Variants in PLCB2 observed in about 807,000 individuals in gnomAD.
PLCB2 encodes the protein phospholipase C beta 2.
PLCB2 carries 115 observed loss-of-function variants against 141.7 expected under a neutral mutation model. The observed-to-expected ratio is 0.81, with a 90% CI of 0.70 to 0.95. The LOEUF (loss-of-function observed/expected upper bound fraction) is 0.95. Among genes scored for constraint, PLCB2 ranks in the 40% least tolerant of loss-of-function variants. PLCB2 has a pLI of 0.00. For missense variants in PLCB2, 1,403 were observed against 1,541.1 expected (o/e 0.91, Z 1.50); for synonymous variants, 603 against 595.6 (o/e 1.01, Z -0.18).
chr15:40,296,921 G>A lies in PLCB2; in HGVS notation c.1324-13C>T. 6.2e-7 allele frequency: 1 copy of A among 1,613,708 alleles called. No homozygotes were observed. Among genetic ancestry groups the A allele is most frequent in the Non-Finnish European group, 8.5e-7 (1 of 1,179,862 alleles). Reference sequence around the variant, plus strand: ...CACCTGGTTTTAGCTATGGAGTGGAGAGCAGGTCAGCACCATCTTCTCACC... The same window carrying A: ...CACCTGGTTTTAGCTATGGAGTGGAAAGCAGGTCAGCACCATCTTCTCACC... On this transcript the variant is annotated splice_polypyrimidine_tract_variant and intron_variant, in intron 13 of 31. Coordinates refer to ENST00000260402, the MANE Select transcript of PLCB2 (RefSeq NM_004573.3).
intron 19 of PLCB2, 77 bp from the exon 20 acceptor site, chr15:40,293,801 G>A: frequency 6.9e-7 from 1 of 1,457,196 alleles, no homozygotes; most frequent in South Asian, 1.2e-5. Context: ...GCCCCTGGCT[G>A]CCTAGAGCTG....
At chr15:40,304,194 GA>G in intron 1 of PLCB2, 116 bp from the exon 2 acceptor site, 1 of 686,154 alleles carries the variant, frequency 1.5e-6, no homozygotes. Flanking sequence ...CCAGAAATCT[GA>G]AGGCATTTCC....
In PLCB2 at chr15:40,294,257, G is replaced by C; in HGVS notation, c.2061+9C>G. Reference sequence around the variant, plus strand: ...GCCTCCCGGCCACTTGTGTGCCCCAGGGCCTTGCCGTAATGGAAAGGGTGG... The same window carrying C: ...GCCTCCCGGCCACTTGTGTGCCCCACGGCCTTGCCGTAATGGAAAGGGTGG... On this transcript the variant is annotated intron_variant, in intron 19 of 31. Transcript: ENST00000260402. The C allele has an allele frequency of 6.2e-7, 1 of 1,613,182 alleles. No homozygotes were observed. Among genetic ancestry groups the C allele is most frequent in the Non-Finnish European group, 8.5e-7 (1 of 1,179,890 alleles).
At chr15:40,303,528 C>T (rs1355905368) in intron 2 of PLCB2, among the ~76,000 whole-genome samples, 172 bp from the exon 3 acceptor site, 1 of 152,148 alleles carries the variant, frequency 6.6e-6, no homozygotes, top group Non-Finnish European at 1.5e-5. Context: ...ACTTCCCTTC[C>T]TATGGCCCAG....
chr15:40,299,326 G>A (rs2040396583), intron 7 of PLCB2, 98 bp from the exon 8 acceptor site: 6 of 765,716 alleles, frequency 7.8e-6, no homozygotes, highest in Admixed American at 2.1e-5. Flanking sequence ...TGGTCAGAAG[G>A]CGGGCTCAAG....
intron 1 of PLCB2, 109 bp downstream of exon 1, chr15:40,307,480 G>T: frequency 1.6e-6 from 1 of 611,906 alleles, no homozygotes; most frequent in South Asian, 2.5e-5. Context: ...CCACACAGGC[G>T]CCTGGATCCT....
At chr15:40,293,853 C>A (rs969557378) in intron 19 of PLCB2, 129 bp from the exon 20 acceptor site, 1 of 893,898 alleles carries the variant, frequency 1.1e-6, no homozygotes, top group Admixed American at 2.4e-5. Flanking sequence ...TCACTCAGCT[C>A]TGGCCATGAG....
chr15:40,284,327 G>A, downstream of PLCB2: 1 of 334,186 alleles, frequency 3.0e-6, no homozygotes, highest in Non-Finnish European at 5.9e-6. Flanking sequence ...GTAAGAGAGA[G>A]ACAGAATCTC....
In PLCB2 at chr15:40,296,764, G is replaced by A. The variant is rs768754235; in HGVS notation, c.1468C>T (p.Pro490Ser). The change falls in exon 14 of 32, where the codon CCT (proline) becomes TCT (serine). Residue 490 changes from proline (P) to serine (S), a missense_variant. Coordinates refer to ENST00000260402, the MANE Select transcript of PLCB2 (RefSeq NM_004573.3). ...GACTCACCTGTGCCCTCACCTGCAG[G>A]GGCACTGGGTGGGCTGCTGCCCTCA... ...EAEGSSPPSA[P>S]AGEGTVWAGE... 2.5e-6 allele frequency: 4 copies of A among 1,613,496 alleles called. No homozygotes were observed. The highest frequency in any genetic ancestry group is 3.4e-6 in the Non-Finnish European group (4 of 1,179,642).
At chr15:40,290,215 G>T in intron 29 of PLCB2, 133 bp from the exon 30 acceptor site, 1 of 695,436 alleles carries the variant, frequency 1.4e-6, no homozygotes. Context: ...CAGGTGTGGG[G>T]ACCCAAGGAG....
intron 16 of PLCB2, 146 bp from the exon 17 acceptor site, chr15:40,295,431 C>T: frequency 3.1e-6 from 2 of 638,404 alleles, no homozygotes; most frequent in Admixed American, 2.5e-5. Flanking sequence ...TAGGGACCAA[C>T]CTCTGGGAGA....
chr15:40,287,872 T>C, downstream of PLCB2: 1 of 964,994 alleles, frequency 1.0e-6, no homozygotes, highest in Non-Finnish European at 1.2e-6. Flanking sequence ...GCCCCCATTT[T>C]CTACCTGTAG....
At chr15:40,291,224 C>A in intron 26 of PLCB2, 41 bp from the exon 27 acceptor site, 1 of 1,570,794 alleles carries the variant, frequency 6.4e-7, no homozygotes, top group African/African-American at 1.3e-5. Context: ...GATCCTGCGC[C>A]ACCCGCGCTG....
At chr15:40,286,213 G>C (rs770465273), downstream of PLCB2, 1 of 173,700 alleles carries the variant, frequency 5.8e-6, no homozygotes, top group Non-Finnish European at 1.1e-5. Context: ...CAGGCAGGGG[G>C]CAGGCAGGCA....
intron 19 of PLCB2, 28 bp downstream of exon 19, chr15:40,294,238 C>T (rs770554006): frequency 8.7e-6 from 14 of 1,610,590 alleles, no homozygotes; most frequent in African/African-American, 5.3e-5. Flanking sequence ...CTCAGCCTCC[C>T]GGCCACTTGT....
chr15:40,290,888 G>A (rs1382686455), intron 27 of PLCB2, 51 bp from the exon 28 acceptor site: 3 of 1,389,926 alleles, frequency 2.2e-6, no homozygotes, highest in Admixed American at 1.9e-5. Flanking sequence ...TGTTCAGAGG[G>A]AGTACGGGGG....
rs781149428 is a variant in PLCB2 at position 40,291,325 on chromosome 15, G to A, written c.2810C>T (p.Pro937Leu). 6.5e-7 allele frequency: 1 copy of A among 1,535,332 alleles called. No individual in the cohort carries two copies. Among genetic ancestry groups the A allele is most frequent in the Non-Finnish European group, 8.7e-7 (1 of 1,148,730 alleles). ...GAAQLAELGP[P>L]GVGGVGACKL... Reference sequence around the variant, plus strand: ...GCAGGCCCCGACGCCCCCCACGCCCGGTGGCCCGAGCTCCGCCAGCTGCGC... The same window carrying A: ...GCAGGCCCCGACGCCCCCCACGCCCAGTGGCCCGAGCTCCGCCAGCTGCGC... The change falls in exon 26 of 32, where the codon CCG (proline) becomes CTG (leucine). Residue 937 changes from proline (P) to leucine (L), a missense_variant. By Grantham distance (98) the Pro-to-Leu change is moderately conservative. Coordinates refer to ENST00000260402, the MANE Select transcript of PLCB2 (RefSeq NM_004573.3).
chr15:40,304,078 C>G lies in PLCB2; in HGVS notation c.85G>C (p.Glu29Gln), dbSNP rs1412224157. ...QGERFIKWDDETTVASPVILR... is the reference protein window; with the variant it reads ...QGERFIKWDDQTTVASPVILR... Reference sequence around the variant, plus strand: ...ATAACTGGAGAGGCAACTGTAGTTTCCTGCAGAGAGAAGGAGCCAGCACTC... The same window carrying G: ...ATAACTGGAGAGGCAACTGTAGTTTGCTGCAGAGAGAAGGAGCCAGCACTC... Residue 29 changes from glutamate (E) to glutamine (Q), a missense_variant and splice_region_variant, in exon 2 of 32, where the codon GAA (glutamate) becomes CAA (glutamine). Glu to Gln is a conservative substitution (Grantham distance 29). Around this residue, in one of 4 missense-constraint regions of PLCB2, gnomAD observed 975 missense variants for 1,141.1 expected, o/e 0.85. Transcript: ENST00000260402. The G allele has an allele frequency of 6.3e-7, 1 of 1,592,874 alleles. No individual in the cohort carries two copies. The highest frequency in any genetic ancestry group is 8.6e-7 in the Non-Finnish European group (1 of 1,169,176).
rs758854976 is a variant in PLCB2 at position 40,291,057 on chromosome 15, G to T, written c.2997C>A (p.Tyr999Ter). The T allele has an allele frequency of 1.3e-6, 2 of 1,593,020 alleles. No individual in the cohort carries two copies. The highest frequency in any genetic ancestry group is 1.7e-6 in the Non-Finnish European group (2 of 1,177,256). Residue 999 changes from tyrosine (Y) to a stop codon, truncating the protein, a stop_gained, in exon 27 of 32, where the codon TAC becomes TAA. Coordinates refer to ENST00000260402, the MANE Select transcript of PLCB2 (RefSeq NM_004573.3). LOFTEE classifies it high-confidence loss of function. ...GCTCCTTGCGCTTCAGAACGCACTC[G>T]TACTGCTCCTCGCCCTGCCGCAGCA... The part of the protein sequence containing the change: ...LELLRQGEEQ[Y>*]ECVLKRKEQH...
Sources: gnomAD v4.1 joint callset for allele counts (sites outside exome capture counted in the v4.1 genomes callset) on GRCh38, gnomAD v4.1.1 for gene constraint, gnomAD v4.1.1 regional missense constraint, MANE v1.5 for transcripts, NCBI Gene and HGNC (gene_info 2026-07-23, HGNC 2026-07-21) for gene names.